Variants in AUTS2 observed in about 807,000 individuals in gnomAD.
AUTS2 encodes activator of transcription and developmental regulator AUTS2, also known as autism susceptibility gene 2 protein.
AUTS2 carries 17 observed loss-of-function variants against 112.4 expected under a neutral mutation model. The ratio of observed to expected loss-of-function variants is 0.15; its 90% CI spans 0.10 to 0.23. The LOEUF (loss-of-function observed/expected upper bound fraction) is 0.23, where lower values mean the gene tolerates loss of function less well. AUTS2 is among the 10% of genes least tolerant of loss of function. The probability of loss-of-function intolerance (pLI) is 1.00; values close to 1 mark genes in which losing one functional copy is unlikely to be tolerated. For missense variants in AUTS2, 1,510 were observed against 1,701.6 expected (o/e 0.89, Z 1.98); for synonymous variants, 751 against 702.7 (o/e 1.07, Z -1.09).
At chr7:70,094,788 T>A (rs1167968620) in intron 2 of AUTS2, among the ~76,000 whole-genome samples, 3 of 152,176 alleles carry the variant, frequency 2.0e-5, no homozygotes, top group Admixed American at 2.0e-4. Flanking sequence ...AGTTGCTTTT[T>A]TTTCTCCGTG....
At chr7:69,671,232 A>C (rs187677299) in intron 1 of AUTS2, among the ~76,000 whole-genome samples, 33 of 152,252 alleles carry the variant, frequency 2.2e-4, no homozygotes, top group African/African-American at 7.9e-4. Flanking sequence ...TCTGATGGAG[A>C]AGAAACTTCT....
chr7:69,754,696 C>T (rs1007906212), intron 1 of AUTS2, among the ~76,000 whole-genome samples: 4 of 152,126 alleles, frequency 2.6e-5, no homozygotes, highest in African/African-American at 7.2e-5. Context: ...AAATGACATT[C>T]GAGTTCCTGT....
intron 2 of AUTS2, among the ~76,000 whole-genome samples, chr7:70,060,875 TCTTC>T (rs1047428247): frequency 1.2e-4 from 19 of 152,326 alleles, no homozygotes; most frequent in African/African-American, 4.3e-4. Flanking sequence ...GGTAGGTATT[TCTTC>T]CTTCCTGCAT....
At chr7:70,025,211 T>A (rs920664165) in intron 2 of AUTS2, among the ~76,000 whole-genome samples, 1 of 152,174 alleles carries the variant, frequency 6.6e-6, no homozygotes, top group Non-Finnish European at 1.5e-5. Context: ...CTCTTGACAA[T>A]TCCATGGATT....
At chr7:70,309,562 T>C (rs1341835594) in intron 4 of AUTS2, among the ~76,000 whole-genome samples, 2 of 152,230 alleles carry the variant, frequency 1.3e-5, no homozygotes, top group African/African-American at 4.8e-5. Flanking sequence ...AATACTCCTC[T>C]TAACTTACCA....
intron 5 of AUTS2, among the ~76,000 whole-genome samples, chr7:70,574,118 T>C (rs1489553150): frequency 1.3e-5 from 2 of 152,052 alleles, no homozygotes; most frequent in South Asian, 2.1e-4. Flanking sequence ...CCTACCCCCA[T>C]AGCAGTTGGG....
intron 5 of AUTS2, among the ~76,000 whole-genome samples, chr7:70,696,099 G>A (rs1287287953): frequency 6.6e-6 from 1 of 152,182 alleles, no homozygotes; most frequent in Non-Finnish European, 1.5e-5. Flanking sequence ...CAACGAAAAT[G>A]ATAAACATCC....
chr7:70,303,439 TACACAC>T (rs371608891), intron 4 of AUTS2, among the ~76,000 whole-genome samples: 32 of 143,288 alleles, frequency 2.2e-4, no homozygotes, highest in African/African-American at 5.1e-4. Flanking sequence ...CGCGCGCACA[TACACAC>T]ACACACACAC....
chr7:70,374,906 C>T (rs1290020929), intron 4 of AUTS2, among the ~76,000 whole-genome samples: 1 of 152,168 alleles, frequency 6.6e-6, no homozygotes, highest in African/African-American at 2.4e-5. Flanking sequence ...GTGCCATACT[C>T]TGCAGATGGG....
intron 1 of AUTS2, among the ~76,000 whole-genome samples, chr7:69,766,573 C>A (rs1001712564): frequency 6.6e-6 from 1 of 152,124 alleles, no homozygotes; most frequent in Non-Finnish European, 1.5e-5. Flanking sequence ...TTAAATTCAT[C>A]GTTTTGGGCC....
intron 4 of AUTS2, among the ~76,000 whole-genome samples, chr7:70,435,080 C>A (rs1160893029): frequency 6.6e-6 from 1 of 152,086 alleles, no homozygotes; most frequent in Non-Finnish European, 1.5e-5. Flanking sequence ...AGTCTATGGC[C>A]CTAAAGCATA....
At chr7:70,741,804 T>C (rs1266519471) in intron 6 of AUTS2, among the ~76,000 whole-genome samples, 1 of 151,372 alleles carries the variant, frequency 6.6e-6, no homozygotes, top group African/African-American at 2.4e-5. Context: ...TTGGAGCCGG[T>C]GGTTATAGTG....
chr7:69,950,790 G>T (rs977630250), intron 2 of AUTS2, among the ~76,000 whole-genome samples: 1 of 152,100 alleles, frequency 6.6e-6, no homozygotes, highest in Non-Finnish European at 1.5e-5. Context: ...AAGTCATGCC[G>T]TTGCAATAAG....
At chr7:70,373,710 C>A (rs1229393870) in intron 4 of AUTS2, among the ~76,000 whole-genome samples, 2 of 152,112 alleles carry the variant, frequency 1.3e-5, no homozygotes, top group African/African-American at 4.8e-5. Flanking sequence ...TACTTTTTTT[C>A]TCATTACAAA....
intron 2 of AUTS2, among the ~76,000 whole-genome samples, chr7:69,973,087 T>A (rs902290203): frequency 2.0e-5 from 3 of 152,144 alleles, no homozygotes; most frequent in Admixed American, 6.6e-5. Flanking sequence ...AAGAGGTTTG[T>A]CTCTCCGTTT....
intron 1 of AUTS2, among the ~76,000 whole-genome samples, chr7:69,797,523 A>G (rs1460048242): frequency 1.3e-5 from 2 of 152,190 alleles, no homozygotes; most frequent in African/African-American, 2.4e-5. Flanking sequence ...TTAGATATGC[A>G]GGAAAATGAG....
At chr7:70,609,830 A>G (rs1347560779) in intron 5 of AUTS2, among the ~76,000 whole-genome samples, 1 of 152,144 alleles carries the variant, frequency 6.6e-6, no homozygotes, top group East Asian at 1.9e-4. Flanking sequence ...GGTGAATTCC[A>G]TGTCTTGGCT....
At chr7:70,067,713 G>A (rs1182438060) in intron 2 of AUTS2, among the ~76,000 whole-genome samples, 1 of 152,164 alleles carries the variant, frequency 6.6e-6, no homozygotes, top group African/African-American at 2.4e-5. Context: ...TTAGCTGGGA[G>A]TGGTGGCACA....
intron 4 of AUTS2, among the ~76,000 whole-genome samples, chr7:70,249,533 A>AT (rs981518650): frequency 5.3e-5 from 8 of 152,132 alleles, no homozygotes; most frequent in African/African-American, 1.9e-4. Flanking sequence ...TGGGATCTTC[A>AT]TTTTTAACAA....
Sources: allele counts gnomAD v4.1 joint callset (sites outside exome capture counted in the v4.1 genomes callset), GRCh38; gene constraint gnomAD v4.1.1; transcripts MANE v1.5; gene names NCBI Gene and HGNC (gene_info 2026-07-23, HGNC 2026-07-21).